Variants in KDM2B observed in about 807,000 individuals in gnomAD.
The protein encoded by KDM2B is lysine demethylase 2B.
Under a neutral mutation model 150.0 loss-of-function variants are expected in KDM2B, and 26 were observed. The observed-to-expected ratio is 0.17, with a 90% confidence interval of 0.13 to 0.24. The LOEUF (loss-of-function observed/expected upper bound fraction) is 0.24. KDM2B is among the 10% of genes least tolerant of loss of function. KDM2B has a pLI of 1.00. For synonymous variants in KDM2B, 734 were observed against 729.5 expected, an observed-to-expected ratio of 1.01 and a Z score of -0.10; for missense variants, 1,265 against 1,816.9, an observed-to-expected ratio of 0.70 and a Z score of 5.52.
chr12:121,480,924 T>G, intron 12 of KDM2B, among the ~76,000 whole-genome samples: 1 of 118,656 alleles, frequency 8.4e-6, no homozygotes, highest in Admixed American at 8.9e-5. Context: ...AGAGGTGTTT[T>G]TTTTGTTGTT....
intron 4 of KDM2B, among the ~76,000 whole-genome samples, chr12:121,557,085 C>T (rs569078753): frequency 3.3e-5 from 5 of 152,014 alleles, no homozygotes; most frequent in Admixed American, 1.3e-4. Flanking sequence ...TGGCTACCCA[C>T]GTACCTCAAG....
In KDM2B at chr12:121,513,531, G is replaced by T; in HGVS notation, c.1048-129C>A. The T allele has an allele frequency of 1.9e-6, 2 of 1,037,950 alleles. No individual in the cohort carries two copies. Among genetic ancestry groups the T allele is most frequent in the Non-Finnish European group, 2.8e-6 (2 of 705,978 alleles). 64.3% of individuals were successfully genotyped at this position (1,037,950 alleles called of 1,614,324 possible). ...CATCATCTTAGCGAGAGCATGGATGGTCGGGGGAGAAATGGTGGGGTGCTG... is the reference window on the plus strand; with the variant it reads ...CATCATCTTAGCGAGAGCATGGATGTTCGGGGGAGAAATGGTGGGGTGCTG... On this transcript the variant is annotated intron_variant, in intron 9 of 22. Transcript: ENST00000377071. The surrounding 1 kb of genome is among the most constrained non-coding windows in gnomAD (Gnocchi z 5.0).
chr12:121,535,340 G>A (rs868944416), intron 6 of KDM2B, among the ~76,000 whole-genome samples: 2 of 152,134 alleles, frequency 1.3e-5, no homozygotes, highest in Non-Finnish European at 2.9e-5. Flanking sequence ...CTGGTCCCAC[G>A]TATACAAAAT....
At position 121,512,056 on chromosome 12, in the gene KDM2B, C is replaced by A. The variant is rs76716893; in HGVS notation, c.1174+1220G>T. Among the ~76,000 whole-genome samples the A allele has an allele frequency of 1.6e-4, 24 of 152,308 alleles. No homozygotes were observed. In the East Asian group the frequency reaches 4.4e-3, roughly 28 times the overall value. ...TAAATGTCCAAGTGAAAGAACCAAC[C>A]CTCGGCCTTCTGGCCTGGGGACTGC... is the stretch of plus-strand genomic sequence containing the variant. On this transcript the variant is annotated intron_variant, in intron 10 of 22. Coordinates refer to ENST00000377071, the MANE Select transcript of KDM2B (RefSeq NM_032590.5).
chr12:121,565,417 A>G (rs1555314667), intron 4 of KDM2B, among the ~76,000 whole-genome samples: 1 of 151,892 alleles, frequency 6.6e-6, no homozygotes. Flanking sequence ...CCTGGGTTCA[A>G]GCAATTCTCC....
intron 4 of KDM2B, 142 bp downstream of exon 4, chr12:121,574,405 G>A: frequency 1.4e-6 from 1 of 699,924 alleles, no homozygotes; most frequent in Non-Finnish European, 2.5e-6. Context: ...TGAAACGGTT[G>A]CAGCTCACAC....
chr12:121,476,122 C>T (rs373249402), intron 12 of KDM2B, among the ~76,000 whole-genome samples: 88,518 of 151,262 alleles, frequency 0.59, 26,571 homozygotes, highest in African/African-American at 0.73. Flanking sequence ...TGGTGAAACC[C>T]TGTCTCTACT....
chr12:121,455,469 T>TG (rs1231376028), intron 12 of KDM2B, among the ~76,000 whole-genome samples: 1 of 152,134 alleles, frequency 6.6e-6, no homozygotes, highest in African/African-American at 2.4e-5. Flanking sequence ...CCCAGCATGC[T>TG]GGGGTCTGAG....
At chr12:121,463,150 A>G (rs1879345292) in intron 12 of KDM2B, among the ~76,000 whole-genome samples, 4 of 152,130 alleles carry the variant, frequency 2.6e-5, no homozygotes, top group Admixed American at 2.6e-4. Flanking sequence ...CCCCGTCTCT[A>G]CTAAAAATAC....
the KDM2B span, among the ~76,000 whole-genome samples, chr12:121,419,689 G>GTGTTTTC: frequency 1.9e-4 from 29 of 152,172 alleles, no homozygotes; most frequent in African/African-American, 5.6e-4. Context: ...GAAGAGATTT[G>GTGTTTTC]TGTTTTCTAA....
Position 121,468,551 on chromosome 12 carries a change from C to A in KDM2B, c.1735-15207G>T, listed in dbSNP as rs1185520333. ...GAAGGATTTACCAAGGGATGGATAA[C>A]CTTCTGTAAAAAGATCAGAGGCTTT... On this transcript the variant is annotated intron_variant, in intron 12 of 22. Coordinates refer to ENST00000377071, the MANE Select transcript of KDM2B (RefSeq NM_032590.5). This position sits in a 1 kb window ranked among gnomAD's most constrained non-coding sequence, Gnocchi z 4.0. 4.6e-5 allele frequency: 7 copies of A among 152,270 alleles called. No individual in the cohort carries two copies. Among genetic ancestry groups the A allele is most frequent in the Non-Finnish European group, 8.8e-5 (6 of 68,066 alleles). The allele number at this position is 152,270 out of a possible 1,614,324, so 9.4% of individuals were successfully genotyped here.
intron 6 of KDM2B, among the ~76,000 whole-genome samples, chr12:121,543,861 C>A (rs1426731190): frequency 6.6e-6 from 1 of 151,902 alleles, no homozygotes; most frequent in African/African-American, 2.4e-5. Context: ...GCACACCCCA[C>A]CTGTAATCCC....
chr12:121,456,961 G>A (rs1310946287), intron 12 of KDM2B, among the ~76,000 whole-genome samples: 6 of 152,114 alleles, frequency 3.9e-5, no homozygotes, highest in Non-Finnish European at 7.4e-5. Context: ...AGTGGCCCCC[G>A]CCTGGCTCAT....
chr12:121,483,077 C>T (rs11065589), intron 12 of KDM2B, among the ~76,000 whole-genome samples: 95,254 of 151,638 alleles, frequency 0.63, 31,298 homozygotes, highest in African/African-American at 0.83. Context: ...GCAGGAGAAT[C>T]GCTTGAACCC....
chr12:121,485,427 A>G (rs941194273), intron 12 of KDM2B, among the ~76,000 whole-genome samples: 1 of 152,144 alleles, frequency 6.6e-6, no homozygotes, highest in Admixed American at 6.6e-5. Context: ...CAGTAGAAGC[A>G]TCCGATTGTC....
Position 121,440,939 on chromosome 12 carries a change from C to A in KDM2B, c.3487G>T (p.Ala1163Ser), listed in dbSNP as rs371398751. The A allele has an allele frequency of 3.1e-6, 5 of 1,613,892 alleles. No homozygotes were observed. The African/African-American group carries it at 6.7e-5, about 22-fold the overall frequency. The change falls in exon 21 of 23, where the codon GCG (alanine) becomes TCG (serine). Residue 1163 changes from alanine (A) to serine (S), a missense_variant. Physicochemically the swap from Ala to Ser is moderately conservative, Grantham distance 99. Transcript: ENST00000377071. ...CTGGAGCTGCAAAGGGCCGAGACCG[C>A]GATCCATGAGCAGCCTGACAGCACC... ...DLVLSGCSWI[A>S]VSALCSSSCP...
chr12:121,534,601 G>C lies in KDM2B; in HGVS notation c.684-11C>G. 2 of 1,599,960 alleles carry C rather than the reference G, an allele frequency of 1.3e-6. No individual in the cohort carries two copies. The highest frequency in any genetic ancestry group is 4.5e-5 in the East Asian group (2 of 44,812). On this transcript the variant is annotated splice_polypyrimidine_tract_variant and intron_variant, in intron 6 of 22. Transcript: ENST00000377071. ...CTCATCAGACAGTACCTGCAACACA[G>C]AGGCAGGGAGACAGAACACAAGTCA...
chr12:121,563,787 C>G (rs1462676907), intron 4 of KDM2B, among the ~76,000 whole-genome samples: 1 of 151,746 alleles, frequency 6.6e-6, no homozygotes, highest in Non-Finnish European at 1.5e-5. Context: ...ATCTCAGCTA[C>G]TTGGGAGGCT....
In KDM2B at chr12:121,557,415, T is replaced by C. The variant is rs778227488; in HGVS notation, c.398-7777A>G. On this transcript the variant is annotated intron_variant, in intron 4 of 22. Transcript: ENST00000377071. ...ACCACTTCCGGCTAATTTTTTTGTATTTTTAGTAGAGACGGGGTTTCACCA... is the reference window on the plus strand; with the variant it reads ...ACCACTTCCGGCTAATTTTTTTGTACTTTTAGTAGAGACGGGGTTTCACCA... 4.6e-5 allele frequency among the ~76,000 whole-genome samples: 7 copies of C among 151,926 alleles called. 1 individual carries two copies. Among genetic ancestry groups the C allele is most frequent in the Admixed American group, 2.6e-4 (4 of 15,232 alleles).
Sources: allele counts gnomAD v4.1 joint callset (sites outside exome capture counted in the v4.1 genomes callset), GRCh38; gene constraint gnomAD v4.1.1; non-coding constraint Gnocchi (gnomAD v3.1); transcripts MANE v1.5; gene names NCBI Gene and HGNC (gene_info 2026-07-23, HGNC 2026-07-21).